The following MSLN variants were observed in gnomAD, a reference collection of about 807,000 sequenced individuals.
MSLN encodes the protein mesothelin.
Under a neutral mutation model 72.6 loss-of-function variants are expected in MSLN, and 82 were observed. The observed-to-expected ratio is 1.13, with a 90% CI of 0.94 to 1.36. The LOEUF is 1.36. Among genes scored for constraint, MSLN ranks in the 40% most tolerant of loss-of-function variants. MSLN has a pLI of 0.00. For synonymous variants in MSLN, 456 were observed against 387.3 expected (o/e 1.18, Z -2.08); for missense variants, 1,005 against 847.9 (o/e 1.19, Z -2.30).
At chr16:761,752 T>C (rs985755886) in intron 2 of MSLN, among the ~76,000 whole-genome samples, 2 of 152,124 alleles carry the variant, frequency 1.3e-5, no homozygotes, top group African/African-American at 2.4e-5. Context: ...CCCGCGACAT[T>C]CCCCAGTGGC....
At chr16:762,248 C>G (rs547419930) in intron 2 of MSLN, among the ~76,000 whole-genome samples, 10 of 152,368 alleles carry the variant, frequency 6.6e-5, no homozygotes, top group Non-Finnish European at 1.2e-4. Flanking sequence ...GCCCAGGCAC[C>G]TGCAGCTGAG....
chr16:764,554 G>T, intron 6 of MSLN, 93 bp from the exon 7 acceptor site: 4 of 1,022,850 alleles, frequency 3.9e-6, no homozygotes, highest in Non-Finnish European at 6.2e-6. Flanking sequence ...CAGGGCAGGG[G>T]TGTGTTGTGG....
At chr16:763,383 T>G in intron 4 of MSLN, 107 bp downstream of exon 4, 1 of 1,063,478 alleles carries the variant, frequency 9.4e-7, no homozygotes, top group Non-Finnish European at 1.4e-6. Context: ...GTTTCCACGG[T>G]CCTTGCTTGC....
chr16:763,358 C>T lies in MSLN; in HGVS notation c.129+82C>T. Reference sequence around the variant, plus strand: ...ATGCTGTGTTCTCTCTGTCACGTATCCACGGTGCTTGCCAGTTTCCACGGT... The same window carrying T: ...ATGCTGTGTTCTCTCTGTCACGTATTCACGGTGCTTGCCAGTTTCCACGGT... On this transcript the variant is annotated intron_variant, in intron 4 of 17. Transcript: ENST00000545450. 3.3e-6 allele frequency: 4 copies of T among 1,206,026 alleles called. No individual in the cohort carries two copies. In the South Asian group the frequency reaches 4.1e-5, roughly 12 times the overall value. 74.7% of individuals were successfully genotyped at this position (1,206,026 alleles called of 1,614,324 possible).
chr16:767,095 C>G, intron 15 of MSLN, 83 bp downstream of exon 15: 1 of 1,586,712 alleles, frequency 6.3e-7, no homozygotes, highest in Non-Finnish European at 8.6e-7. Flanking sequence ...GCCTTTGCCT[C>G]GCCGGGCCGT....
Position 768,652 on chromosome 16 carries a change from C to T in MSLN, c.1788C>T (p.Ala596=), listed in dbSNP as rs530632760. Reference sequence around the variant, plus strand: ...GAGTCACCCCTCTCTCTGTAGAGGCCCTCTCGGGGACGCCCTGCCTCCTAG... The same window carrying T: ...GAGTCACCCCTCTCTCTGTAGAGGCTCTCTCGGGGACGCCCTGCCTCCTAG... ...YLVLDLSMQE[A]LSGTPCLLGP... is the part of the protein sequence containing the mutation. The change falls in exon 18 of 18, where the codon GCC becomes GCT. Residue 596 remains alanine, a synonymous_variant. Coordinates refer to ENST00000545450, the MANE Select transcript of MSLN (RefSeq NM_005823.6). 14 of 1,611,160 alleles carry T rather than the reference C, an allele frequency of 8.7e-6. No individual in the cohort carries two copies. Among genetic ancestry groups the T allele is most frequent in the South Asian group, 4.4e-5 (4 of 91,068 alleles).
Position 768,853 on chromosome 16 carries a change from C to T in MSLN, c.*120C>T, listed in dbSNP as rs768663870. On this transcript the variant is annotated 3_prime_UTR_variant, in exon 18 of 18. Coordinates refer to ENST00000545450, the MANE Select transcript of MSLN (RefSeq NM_005823.6). ...GCGCTCAGTAAACGGGAACATGCCC[C>T]CTGCAGACACGTCTTGTGGCCTCCG... 3 of 928,848 alleles carry T rather than the reference C, an allele frequency of 3.2e-6. No individual in the cohort carries two copies. The highest frequency in any genetic ancestry group is 5.0e-6 in the Non-Finnish European group (3 of 599,470). The allele number at this position is 928,848 out of a possible 1,614,324, so 57.5% of individuals were successfully genotyped here. A position where few individuals can be genotyped will look rare whatever the true frequency, so the allele number is the denominator to read the frequency against.
chr16:768,514 C>T lies in MSLN; in HGVS notation c.1732C>T (p.Leu578=), dbSNP rs762884373. The T allele has an allele frequency of 2.5e-6, 4 of 1,596,842 alleles. No homozygotes were observed. In the Admixed American group the frequency reaches 5.1e-5, roughly 20 times the overall value. The change falls in exon 17 of 18, where the codon CTA becomes TTA. Residue 578 remains leucine, a synonymous_variant. Transcript: ENST00000545450. ...CGACCTGGACACGCTGGGGCTGGGG[C>T]TACAGGGCGGCATCCCCAACGGCTA... ...QDDLDTLGLG[L]QGGIPNGYLV... is the part of the protein sequence containing the mutation.
intron 9 of MSLN, 23 bp downstream of exon 9, chr16:765,326 T>TCGA: frequency 6.5e-7 from 1 of 1,537,814 alleles, no homozygotes; most frequent in Non-Finnish European, 8.7e-7. Context: ...GTCTGGAACC[T>TCGA]CGAAGGCTCA....
intron 15 of MSLN, 122 bp from the exon 16 acceptor site, chr16:767,254 G>A: frequency 8.8e-7 from 1 of 1,140,482 alleles, no homozygotes; most frequent in Non-Finnish European, 1.3e-6. Flanking sequence ...GCAAACCCAG[G>A]CCCTGGAATC....
intron 7 of MSLN, 29 bp downstream of exon 7, chr16:764,755 C>A: frequency 6.3e-7 from 1 of 1,584,840 alleles, no homozygotes; most frequent in Non-Finnish European, 8.6e-7. Context: ...ACCCACCCCC[C>A]CGGCTTTTGC....
rs749856230 is a variant in MSLN at position 766,443 on chromosome 16, C to T, written c.1183C>T (p.Leu395=). The change falls in exon 13 of 18, where the codon CTG becomes TTG. Residue 395 remains leucine, a synonymous_variant. Coordinates refer to ENST00000545450, the MANE Select transcript of MSLN (RefSeq NM_005823.6). The part of the protein sequence containing the change: ...RKWNVTSLET[L]KALLEVNKGH... The stretch of plus-strand genomic sequence containing the variant: ...GTGGAATGTGACGTCCCTGGAGACC[C>T]TGAAGGCTTTGCTTGAAGTCAACAA... The T allele has an allele frequency of 6.2e-7, 1 of 1,612,704 alleles. No homozygotes were observed. The highest frequency in any genetic ancestry group is 1.7e-5 in the Admixed American group (1 of 60,020).
At chr16:768,165 G>A (rs548348495) in intron 16 of MSLN, among the ~76,000 whole-genome samples, 12 of 151,060 alleles carry the variant, frequency 7.9e-5, no homozygotes, top group South Asian at 2.1e-4. Flanking sequence ...GCAGTGGGGC[G>A]AGGCCTTAGG....
Position 764,728 on chromosome 16 carries a change from T to C in MSLN, c.380+2T>C. 6.2e-7 allele frequency: 1 copy of C among 1,607,832 alleles called. No individual in the cohort carries two copies. The highest frequency in any genetic ancestry group is 1.3e-5 in the African/African-American group (1 of 74,796). On this transcript the variant is annotated splice_donor_variant, in intron 7 of 17. Transcript: ENST00000545450. LOFTEE classifies it high-confidence loss of function. ...ATTGGACCTGCTGCTATTCCTCAAG[T>C]AGGCCCTGCCCCCTGAACCCACCCC...
Position 762,724 on chromosome 16 carries a change from C to G in MSLN, c.44C>G (p.Thr15Ser), listed in dbSNP as rs757289324. Residue 15 changes from threonine to serine, a missense_variant, in exon 3 of 18, where the codon ACC becomes AGC. By Grantham distance (58) the Thr-to-Ser change is moderately conservative. Transcript: ENST00000545450. ...TARPLLGSCG[T>S]PALGSLLFLL... ...CGACCCCTGTTGGGGTCCTGTGGGA[C>G]CCCCGCCCTCGGCAGCCTCCTGTTC... is the stretch of plus-strand genomic sequence containing the variant. 5 of 1,604,714 alleles carry G rather than the reference C, an allele frequency of 3.1e-6. No homozygotes were observed. In the East Asian group the frequency reaches 9.0e-5, roughly 29 times the overall value.
In MSLN at chr16:768,391, G is replaced by A. The variant is rs780421812; in HGVS notation, c.1609G>A (p.Ala537Thr). The change falls in exon 17 of 18, where the codon GCT (alanine) becomes ACT (threonine). Residue 537 changes from alanine to threonine, a missense_variant. Transcript: ENST00000545450. Reference protein sequence around the residue: ...RTDAVLPLTVAEVQKLLGPHV... With the variant: ...RTDAVLPLTVTEVQKLLGPHV... Reference sequence around the variant, plus strand: ...GGGTCTCTGGCAGCCGTTGACTGTGGCTGAGGTGCAGAAACTTCTGGGACC... The same window carrying A: ...GGGTCTCTGGCAGCCGTTGACTGTGACTGAGGTGCAGAAACTTCTGGGACC... The A allele has an allele frequency of 5.3e-6, 8 of 1,508,750 alleles. No individual in the cohort carries two copies. The Admixed American group carries it at 6.8e-5, about 13-fold the overall frequency. The allele number at this position is 1,508,750 out of a possible 1,614,324, so 93.5% of individuals were successfully genotyped here.
chr16:768,655 C>T lies in MSLN; in HGVS notation c.1791C>T (p.Leu597=). 1.2e-6 allele frequency: 2 copies of T among 1,611,128 alleles called. No individual in the cohort carries two copies. The highest frequency in any genetic ancestry group is 8.5e-7 in the Non-Finnish European group (1 of 1,179,534). Residue 597 remains leucine (L), a synonymous_variant, in exon 18 of 18, where the codon CTC becomes CTT. Transcript: ENST00000545450. ...LVLDLSMQEA[L]SGTPCLLGPG... is the part of the protein sequence containing the mutation. ...TCACCCCTCTCTCTGTAGAGGCCCT[C>T]TCGGGGACGCCCTGCCTCCTAGGAC...
rs2041590431 is a variant in MSLN at position 765,251 on chromosome 16, G to C, written c.652G>C (p.Asp218His). The change falls in exon 9 of 18, where the codon GAC (aspartate) becomes CAC (histidine). Residue 218 changes from aspartate (D) to histidine (H), a missense_variant. Coordinates refer to ENST00000545450, the MANE Select transcript of MSLN (RefSeq NM_005823.6). ...LVSCPGPLDQ[D>H]QQEAARAALQ... ...GAGCTGCCCGGGACCCCTGGACCAG[G>C]ACCAGCAGGAGGCAGCCAGGGCGGC... 6.3e-7 allele frequency: 1 copy of C among 1,584,632 alleles called. No individual in the cohort carries two copies. Among genetic ancestry groups the C allele is most frequent in the Non-Finnish European group, 8.5e-7 (1 of 1,171,888 alleles).
chr16:763,028 G>C (rs1487899282), intron 3 of MSLN, among the ~76,000 whole-genome samples: 2 of 152,186 alleles, frequency 1.3e-5, no homozygotes, highest in East Asian at 1.9e-4. Flanking sequence ...GATGTGGAAG[G>C]CCGGGCTCCC....
Sources: allele counts gnomAD v4.1 joint callset (sites outside exome capture counted in the v4.1 genomes callset), GRCh38; gene constraint gnomAD v4.1.1; transcripts MANE v1.5; gene names NCBI Gene and HGNC (gene_info 2026-07-23, HGNC 2026-07-21).